BAZ2B: variants seen among roughly 807,000 people sequenced by gnomAD.
BAZ2B encodes bromodomain adjacent to zinc finger domain 2B.
A neutral mutation model predicts 246.0 loss-of-function variants in BAZ2B; 91 were observed. The ratio of observed to expected loss-of-function variants is 0.37; its 90% CI spans 0.31 to 0.44. The LOEUF (loss-of-function observed/expected upper bound fraction) is 0.44. Ranked by LOEUF, BAZ2B falls within the 20% of genes least tolerant of loss-of-function variation. The probability of loss-of-function intolerance (pLI) is 1.00; values close to 1 mark genes in which losing one functional copy is unlikely to be tolerated. For synonymous variants in BAZ2B, 855 were observed against 860.0 expected (o/e 0.99, Z 0.10); for missense variants, 2,332 against 2,533.7 (o/e 0.92, Z 1.71).
intron 2 of BAZ2B, among the ~76,000 whole-genome samples, chr2:159,481,403 T>C (rs968015559): frequency 6.6e-6 from 1 of 151,272 alleles, no homozygotes; most frequent in African/African-American, 2.4e-5. Flanking sequence ...ACATCTACCC[T>C]AGAACTTAAA....
chr2:159,630,788 C>A, the BAZ2B span, among the ~76,000 whole-genome samples: 177 of 152,310 alleles, frequency 1.2e-3, 1 homozygote, highest in Non-Finnish European at 2.1e-3. Context: ...CCCGCCTCGG[C>A]CTCCCAAAGT....
At chr2:159,420,599 A>G (rs192825327) in intron 13 of BAZ2B, among the ~76,000 whole-genome samples, 1 of 152,280 alleles carries the variant, frequency 6.6e-6, no homozygotes, top group African/African-American at 2.4e-5. Context: ...ACAATTCACA[A>G]AAAATGCTTT....
At chr2:159,409,316 G>T (rs2066456570) in intron 14 of BAZ2B, among the ~76,000 whole-genome samples, 1 of 152,130 alleles carries the variant, frequency 6.6e-6, no homozygotes, top group Non-Finnish European at 1.5e-5. Context: ...GCATGGTATA[G>T]ATTACTTATA....
At chr2:159,663,130 C>T in the BAZ2B span, among the ~76,000 whole-genome samples, 1 of 151,382 alleles carries the variant, frequency 6.6e-6, no homozygotes, top group African/African-American at 2.4e-5. Context: ...TTGATGGTGA[C>T]CCTAGGACAA....
the BAZ2B span, among the ~76,000 whole-genome samples, chr2:159,673,362 T>C: frequency 2.6e-5 from 4 of 152,218 alleles, no homozygotes; most frequent in South Asian, 8.3e-4. Context: ...ACAATTACTC[T>C]GTTGGTGAGG....
intron 1 of BAZ2B, among the ~76,000 whole-genome samples, chr2:159,570,907 G>A (rs1166571742): frequency 6.6e-6 from 1 of 152,132 alleles, no homozygotes; most frequent in African/African-American, 2.4e-5. Flanking sequence ...AGGCTGGAGT[G>A]CAGTGGCACA....
intron 25 of BAZ2B, among the ~76,000 whole-genome samples, chr2:159,378,962 T>C (rs1297125471): frequency 6.6e-6 from 1 of 152,106 alleles, no homozygotes; most frequent in Non-Finnish European, 1.5e-5. Flanking sequence ...AAATTAAGAA[T>C]AGAACTATCT....
chr2:159,490,073 TATA>T (rs1472241469), intron 2 of BAZ2B, among the ~76,000 whole-genome samples: 1 of 152,224 alleles, frequency 6.6e-6, no homozygotes, highest in Non-Finnish European at 1.5e-5. Flanking sequence ...ACTAACTTCT[TATA>T]ATGTTAATTT....
chr2:159,526,651 A>C (rs956700792), intron 2 of BAZ2B, among the ~76,000 whole-genome samples: 2 of 152,180 alleles, frequency 1.3e-5, no homozygotes, highest in Non-Finnish European at 2.9e-5. Flanking sequence ...ATGCCAGGAC[A>C]ATCCTTTGGA....
At chr2:159,327,869 A>T (rs2063941204) in intron 34 of BAZ2B, among the ~76,000 whole-genome samples, 2 of 152,220 alleles carry the variant, frequency 1.3e-5, no homozygotes, top group African/African-American at 2.4e-5. Context: ...GTTTGAGACC[A>T]GCTTGGCCAA....
chr2:159,347,549 C>G lies in BAZ2B; in HGVS notation c.5391G>C (p.Leu1797Phe). 1 of 1,613,920 alleles carries G rather than the reference C, an allele frequency of 6.2e-7. No homozygotes were observed. Among genetic ancestry groups the G allele is most frequent in the East Asian group, 2.2e-5 (1 of 44,826 alleles). ...GATCTTCTACCTGTTGAAGGACACTCAAATCCATTTCCATTGCTTGTTCTT... is the reference window on the plus strand; with the variant it reads ...GATCTTCTACCTGTTGAAGGACACTGAAATCCATTTCCATTGCTTGTTCTT... Reference protein sequence around the residue: ...SVEEQAMEMDLSVLQQVEDLE... With the variant: ...SVEEQAMEMDFSVLQQVEDLE... Residue 1797 changes from leucine to phenylalanine, a missense_variant, in exon 31 of 37, where the codon TTG (leucine) becomes TTC (phenylalanine). By Grantham distance (22) the Leu-to-Phe change is conservative. Transcript: ENST00000392783.
At chr2:159,425,591 G>C (rs1032656705) in intron 13 of BAZ2B, among the ~76,000 whole-genome samples, 2 of 152,184 alleles carry the variant, frequency 1.3e-5, no homozygotes, top group Non-Finnish European at 2.9e-5. Context: ...TCCATCATTA[G>C]TTTTGACACA....
chr2:159,462,296 G>A lies in BAZ2B; in HGVS notation c.146-8495C>T, dbSNP rs571212606. ...AAACTGGTTAACTTTGAAAGCTCTAGCAAAATATCACTCTTGTTTATAAAT... is the reference window on the plus strand; with the variant it reads ...AAACTGGTTAACTTTGAAAGCTCTAACAAAATATCACTCTTGTTTATAAAT... On this transcript the variant is annotated intron_variant, in intron 3 of 36. Coordinates refer to ENST00000392783, the MANE Select transcript of BAZ2B (RefSeq NM_013450.4). The A allele has an allele frequency of 6.4e-5, 47 of 733,384 alleles. 1 individual carries two copies. The highest frequency in any genetic ancestry group is 5.7e-4 in the African/African-American group (32 of 55,822). 45.4% of individuals were successfully genotyped at this position (733,384 alleles called of 1,614,324 possible). A position where few individuals can be genotyped will look rare whatever the true frequency, so the allele number is the denominator to read the frequency against.
intron 2 of BAZ2B, among the ~76,000 whole-genome samples, chr2:159,524,297 A>C (rs1423199932): frequency 2.0e-5 from 3 of 152,010 alleles, no homozygotes; most frequent in Non-Finnish European, 2.9e-5. Flanking sequence ...AAAAATAAAT[A>C]AAATAAAATT....
At chr2:159,457,764 CCT>C (rs1482539967) in intron 3 of BAZ2B, among the ~76,000 whole-genome samples, 12 of 152,138 alleles carry the variant, frequency 7.9e-5, no homozygotes, top group East Asian at 3.9e-4. Context: ...ACTCCTTTAC[CCT>C]GTCTGTCTCT....
At chr2:159,580,306 C>G (rs929856058) in intron 1 of BAZ2B, among the ~76,000 whole-genome samples, 2 of 152,110 alleles carry the variant, frequency 1.3e-5, no homozygotes, top group African/African-American at 4.8e-5. Context: ...GAGTGAACTC[C>G]CATTCACAAT....
At chr2:159,712,122 C>T in the BAZ2B span, 1 of 149,884 alleles carries the variant, frequency 6.7e-6, no homozygotes, top group Admixed American at 6.7e-5. Context: ...AGCCAACCAG[C>T]TGGGCGTTAT....
At chr2:159,439,233 T>A (rs758416805) in intron 6 of BAZ2B, 21 bp from the exon 7 acceptor site, 24 of 1,583,836 alleles carry the variant, frequency 1.5e-5, no homozygotes, top group Non-Finnish European at 2.1e-5. Context: ...ACAAGGTAGT[T>A]GGCAAGACTT....
chr2:159,383,035 T>TA (rs954521676), intron 24 of BAZ2B, among the ~76,000 whole-genome samples: 1 of 151,704 alleles, frequency 6.6e-6, no homozygotes, highest in Non-Finnish European at 1.5e-5. Flanking sequence ...TTAGACTCAT[T>TA]AAAAAAAATG....
Sources: gnomAD v4.1 joint callset for allele counts (sites outside exome capture counted in the v4.1 genomes callset) on GRCh38, gnomAD v4.1.1 for gene constraint, MANE v1.5 for transcripts, NCBI Gene and HGNC (gene_info 2026-07-23, HGNC 2026-07-21) for gene names.